AOAH: variants seen among roughly 807,000 people sequenced by gnomAD.
The protein encoded by AOAH is acyloxyacyl hydrolase.
AOAH carries 64 observed loss-of-function variants against 92.2 expected under a neutral mutation model. The ratio of observed to expected loss-of-function variants is 0.69; its 90% CI spans 0.57 to 0.86. The LOEUF is 0.86. Ranked by LOEUF, AOAH falls within the 40% of genes least tolerant of loss-of-function variation. The probability of loss-of-function intolerance (pLI) is 0.00; values close to 1 mark genes in which losing one functional copy is unlikely to be tolerated. For synonymous variants in AOAH, 263 were observed against 254.5 expected, an observed-to-expected ratio of 1.03 and a Z score of -0.32; for missense variants, 656 against 694.6, an observed-to-expected ratio of 0.94 and a Z score of 0.62.
chr7:36,701,589 T>C (rs1798040214), intron 1 of AOAH, among the ~76,000 whole-genome samples: 1 of 151,734 alleles, frequency 6.6e-6, no homozygotes, highest in Non-Finnish European at 1.5e-5. Flanking sequence ...TTAAAGTGTA[T>C]TTTTCTGGTA....
At chr7:36,689,879 G>C (rs903203998) in intron 1 of AOAH, among the ~76,000 whole-genome samples, 1 of 152,206 alleles carries the variant, frequency 6.6e-6, no homozygotes, top group African/African-American at 2.4e-5. Flanking sequence ...GGTGCAGCAG[G>C]AATAGTGGGT....
At position 36,594,466 on chromosome 7, in the gene AOAH, G is replaced by T. The variant is rs755647500; in HGVS notation, c.847-36C>A. ...CAATAAAGTAGCAATTATCAAAATG[G>T]TCATTTATTTTCTAAAGGTAGTAAG... On this transcript the variant is annotated intron_variant, in intron 11 of 20. Transcript: ENST00000617537. The T allele has an allele frequency of 6.5e-6, 10 of 1,545,936 alleles. No homozygotes were observed. The South Asian group carries it at 8.9e-5, about 14-fold the overall frequency.
intron 18 of AOAH, among the ~76,000 whole-genome samples, chr7:36,531,608 A>T (rs1450658097): frequency 6.6e-6 from 1 of 152,298 alleles, no homozygotes; most frequent in African/African-American, 2.4e-5. Flanking sequence ...TCAGCCTCCC[A>T]AAGTGCTGAG....
At chr7:36,673,868 C>T in intron 3 of AOAH, 75 bp downstream of exon 3, 2 of 1,027,540 alleles carry the variant, frequency 1.9e-6, no homozygotes, top group Non-Finnish European at 3.0e-6. Context: ...AACACAGAGC[C>T]TCCCACCTCC....
At chr7:36,687,837 G>T (rs1169830928) in intron 1 of AOAH, among the ~76,000 whole-genome samples, 4 of 152,188 alleles carry the variant, frequency 2.6e-5, no homozygotes, top group African/African-American at 9.7e-5. Context: ...TTGAGGGAAG[G>T]TGGCTGATAA....
At chr7:36,573,567 A>T (rs1788283204) in intron 13 of AOAH, among the ~76,000 whole-genome samples, 1 of 152,080 alleles carries the variant, frequency 6.6e-6, no homozygotes, top group Admixed American at 6.6e-5. Context: ...AAAATACAAA[A>T]AATAGCTGAG....
At chr7:36,604,431 C>A (rs1233277625) in intron 11 of AOAH, among the ~76,000 whole-genome samples, 3 of 152,166 alleles carry the variant, frequency 2.0e-5, no homozygotes, top group Non-Finnish European at 4.4e-5. Context: ...CCACCTTTAT[C>A]TATTTCTCTG....
intron 18 of AOAH, chr7:36,530,744 A>G: frequency 2.2e-6 from 1 of 451,810 alleles, no homozygotes; most frequent in Non-Finnish European, 4.0e-6. Context: ...TAAATTAGTG[A>G]TACTAGTTTT....
At chr7:36,590,305 G>T (rs1014904150) in intron 12 of AOAH, among the ~76,000 whole-genome samples, 2 of 151,760 alleles carry the variant, frequency 1.3e-5, no homozygotes, top group Non-Finnish European at 2.9e-5. Context: ...CCCCCACAGA[G>T]ATTTTTTTTT....
chr7:36,599,902 C>T (rs1014527782), intron 11 of AOAH: 25 of 152,806 alleles, frequency 1.6e-4, no homozygotes, highest in African/African-American at 5.8e-4. Context: ...GTCCCCACCG[C>T]TCCCATTACC....
chr7:36,541,520 A>T (rs1785422648), intron 15 of AOAH, among the ~76,000 whole-genome samples: 1 of 10,806 alleles, frequency 9.3e-5, no homozygotes, highest in South Asian at 0.17. Flanking sequence ...AGGAATGTAC[A>T]AAATACTACA....
At chr7:36,620,359 G>A (rs935983381) in intron 9 of AOAH, among the ~76,000 whole-genome samples, 1 of 151,764 alleles carries the variant, frequency 6.6e-6, no homozygotes, top group African/African-American at 2.4e-5. Context: ...GAGTGGTCGG[G>A]TAAATACTGA....
intron 3 of AOAH, chr7:36,661,314 G>C (rs1795200795): frequency 6.6e-6 from 1 of 152,252 alleles, no homozygotes; most frequent in Non-Finnish European, 1.5e-5. Context: ...AGAAGCTCGA[G>C]TGAGCTGGGA....
At chr7:36,657,091 CAAAT>C (rs1269147649) in intron 4 of AOAH, among the ~76,000 whole-genome samples, 6 of 152,136 alleles carry the variant, frequency 3.9e-5, no homozygotes, top group Admixed American at 3.3e-4. Context: ...TCATAACTCT[CAAAT>C]AAATTCTCAA....
chr7:36,624,780 A>G (rs2727823), intron 6 of AOAH, among the ~76,000 whole-genome samples: 96,696 of 152,016 alleles, frequency 0.64, 31,300 homozygotes, highest in African/African-American at 0.77. Flanking sequence ...ACTGGCCAAC[A>G]TGGCCTCTTG....
intron 12 of AOAH, among the ~76,000 whole-genome samples, chr7:36,578,612 A>G (rs1788698990): frequency 6.6e-6 from 1 of 152,164 alleles, no homozygotes. Flanking sequence ...CCTCATCTCT[A>G]AGTAACATAC....
intron 11 of AOAH, among the ~76,000 whole-genome samples, chr7:36,610,126 C>CTT (rs68170280): frequency 8.5e-4 from 76 of 89,412 alleles, no homozygotes; most frequent in African/African-American, 2.0e-3. Flanking sequence ...TTTCTTTTTT[C>CTT]TTTTTTTTTT....
At chr7:36,548,798 A>AG (rs1449945350) in intron 14 of AOAH, 112 bp from the exon 15 acceptor site, 4 of 832,646 alleles carry the variant, frequency 4.8e-6, no homozygotes, top group Non-Finnish European at 7.8e-6. Flanking sequence ...CCCTCTTGGC[A>AG]ACTTTTTGCT....
chr7:36,579,928 T>C (rs538550016), intron 12 of AOAH, among the ~76,000 whole-genome samples: 6 of 152,310 alleles, frequency 3.9e-5, no homozygotes, highest in Non-Finnish European at 7.4e-5. Context: ...ATGATATTTT[T>C]CCCTCACAAG....
Sources: allele counts gnomAD v4.1 joint callset (sites outside exome capture counted in the v4.1 genomes callset), GRCh38; gene constraint gnomAD v4.1.1; transcripts MANE v1.5; gene names NCBI Gene and HGNC (gene_info 2026-07-23, HGNC 2026-07-21).